DSCAM: variants seen among roughly 807,000 people sequenced by gnomAD.
DSCAM encodes the protein DS cell adhesion molecule, also known as cell adhesion molecule DSCAM.
In DSCAM, 47 loss-of-function variants were observed where a neutral mutation model predicts 217.7. The observed-to-expected ratio is 0.22, with a 90% CI of 0.17 to 0.28. The LOEUF (loss-of-function observed/expected upper bound fraction) is 0.28. Among genes scored for constraint, DSCAM ranks in the 10% least tolerant of loss-of-function variants. The pLI is 1.00. For synonymous variants in DSCAM, 1,056 were observed against 1,015.3 expected, an observed-to-expected ratio of 1.04 and a Z score of -0.76; for missense variants, 2,080 against 2,618.3, an observed-to-expected ratio of 0.79 and a Z score of 4.49.
intron 3 of DSCAM, among the ~76,000 whole-genome samples, chr21:40,637,617 A>C (rs1328099914): frequency 1.4e-3 from 84 of 59,776 alleles, no homozygotes; most frequent in African/African-American, 5.0e-3. Context: ...ATATATATAA[A>C]TATATACATA....
Position 40,093,811 on chromosome 21 carries a change from T to C in DSCAM, c.3760A>G (p.Asn1254Asp). The change falls in exon 21 of 33, where the codon AAT becomes GAT. Residue 1254 changes from asparagine (N) to aspartate (D), a missense_variant. Asn to Asp is a conservative substitution (Grantham distance 23, BLOSUM62 1). This residue lies in a region of DSCAM where 1,144 missense variants were observed against 1,421.1 expected (regional missense o/e 0.81). Transcript: ENST00000400454. ...FSYRIPNLSRNRQYSVWVVAV... is the reference protein window; with the variant it reads ...FSYRIPNLSRDRQYSVWVVAV... ...ACCACCCAGACGCTGTACTGACGATTCCTACTCAGGTTGGGAATTCTGTAG... is the reference window on the plus strand; with the variant it reads ...ACCACCCAGACGCTGTACTGACGATCCCTACTCAGGTTGGGAATTCTGTAG... 1 of 1,613,932 alleles carries C rather than the reference T, an allele frequency of 6.2e-7. No homozygotes were observed. The highest frequency in any genetic ancestry group is 8.5e-7 in the Non-Finnish European group (1 of 1,179,934).
At chr21:40,799,691 A>G (rs2091722159) in intron 1 of DSCAM, among the ~76,000 whole-genome samples, 1 of 152,226 alleles carries the variant, frequency 6.6e-6, no homozygotes, top group South Asian at 2.1e-4. Context: ...TATGAGAGAC[A>G]CATCATTCCA....
At chr21:40,788,537 T>C (rs1414484044) in intron 1 of DSCAM, among the ~76,000 whole-genome samples, 1 of 152,216 alleles carries the variant, frequency 6.6e-6, no homozygotes, top group African/African-American at 2.4e-5. Flanking sequence ...CTTTCTTCCA[T>C]CTGCTTTTTA....
chr21:40,431,932 G>C (rs964517851), intron 3 of DSCAM, among the ~76,000 whole-genome samples: 15 of 152,180 alleles, frequency 9.9e-5, no homozygotes, highest in Non-Finnish European at 2.2e-4. Flanking sequence ...AGGTGTGGTG[G>C]CTTATGCCTG....
At chr21:40,826,213 T>C (rs2091967787) in intron 1 of DSCAM, among the ~76,000 whole-genome samples, 1 of 152,194 alleles carries the variant, frequency 6.6e-6, no homozygotes, top group Admixed American at 6.5e-5. Flanking sequence ...GTGGTGATAT[T>C]TGGACAGAGA....
intron 3 of DSCAM, among the ~76,000 whole-genome samples, chr21:40,533,575 A>ACCCACCTGTCTG (rs1212389187): frequency 7.2e-6 from 1 of 138,914 alleles, no homozygotes; most frequent in East Asian, 2.4e-4. Context: ...CCATCCATCC[A>ACCCACCTGTCTG]TCCATCCAAC....
chr21:40,264,174 A>G (rs956031613), intron 11 of DSCAM, among the ~76,000 whole-genome samples: 1 of 152,188 alleles, frequency 6.6e-6, no homozygotes, highest in Non-Finnish European at 1.5e-5. Context: ...AAAGACAGAG[A>G]AGGAGGGAAT....
At chr21:40,014,181 A>G (rs1247618118) in intron 32 of DSCAM, among the ~76,000 whole-genome samples, 15 of 152,232 alleles carry the variant, frequency 9.9e-5, no homozygotes, top group Admixed American at 9.8e-4. Flanking sequence ...ACCTGAGGTC[A>G]GGAGTTCAAG....
intron 9 of DSCAM, among the ~76,000 whole-genome samples, chr21:40,298,084 C>CTTTTTT (rs59908038): frequency 0.064 from 8,492 of 132,420 alleles, 1,023 homozygotes; most frequent in African/African-American, 0.22. Context: ...TTAGCTTTTA[C>CTTTTTT]TTTTTTTTTT....
intron 3 of DSCAM, among the ~76,000 whole-genome samples, chr21:40,588,262 A>G (rs946355931): frequency 6.6e-6 from 1 of 152,182 alleles, no homozygotes; most frequent in Non-Finnish European, 1.5e-5. Flanking sequence ...AAAATCATGG[A>G]TTTTGGCATT....
At chr21:40,215,925 C>T in intron 11 of DSCAM, among the ~76,000 whole-genome samples, 1 of 144,826 alleles carries the variant, frequency 6.9e-6, no homozygotes, top group Non-Finnish European at 1.5e-5. Flanking sequence ...TGAAACTGCT[C>T]CTTTTCTTCT....
At chr21:40,529,019 T>C (rs2076422489) in intron 3 of DSCAM, among the ~76,000 whole-genome samples, 1 of 149,950 alleles carries the variant, frequency 6.7e-6, no homozygotes, top group Non-Finnish European at 1.5e-5. Context: ...TTCTCCTGCC[T>C]CAGCCTCCTG....
At chr21:40,053,144 C>T (rs986706198) in intron 29 of DSCAM, among the ~76,000 whole-genome samples, 1 of 152,196 alleles carries the variant, frequency 6.6e-6, no homozygotes, top group Non-Finnish European at 1.5e-5. Flanking sequence ...AGGCTCTGAA[C>T]AGAATGAACC....
intron 6 of DSCAM, among the ~76,000 whole-genome samples, chr21:40,342,648 ATTTTTTTTTT>A (rs1202355440): frequency 5.0e-5 from 4 of 80,318 alleles, no homozygotes; most frequent in African/African-American, 2.1e-4. Context: ...ATATATATAT[ATTTTTTTTTT>A]TTTTTTGAGA....
At chr21:40,128,961 A>T (rs1418619804) in intron 19 of DSCAM, among the ~76,000 whole-genome samples, 1 of 152,230 alleles carries the variant, frequency 6.6e-6, no homozygotes, top group African/African-American at 2.4e-5. Context: ...ACATACCTTA[A>T]TGTAAAAATA....
Position 40,195,890 on chromosome 21 carries a change from C to A in DSCAM, c.2357-6652G>T, listed in dbSNP as rs951326628. ...TTCAAACATACAGGAAGCCAATCAG[C>A]CATGTATCTACTGCCTGGATTCCAC... On this transcript the variant is annotated intron_variant, in intron 11 of 32. Coordinates refer to ENST00000400454, the MANE Select transcript of DSCAM (RefSeq NM_001389.5). 8.5e-5 allele frequency among the ~76,000 whole-genome samples: 13 copies of A among 152,216 alleles called. 1 individual carries two copies. The highest frequency in any genetic ancestry group is 5.2e-4 in the Admixed American group (8 of 15,286).
intron 10 of DSCAM, among the ~76,000 whole-genome samples, chr21:40,279,669 T>G (rs1279750726): frequency 6.6e-6 from 1 of 152,220 alleles, no homozygotes; most frequent in Non-Finnish European, 1.5e-5. Context: ...TGAAGACACA[T>G]GCACACATAT....
At chr21:40,263,284 A>G (rs966565049) in intron 11 of DSCAM, among the ~76,000 whole-genome samples, 4 of 152,218 alleles carry the variant, frequency 2.6e-5, no homozygotes, top group Admixed American at 1.3e-4. Flanking sequence ...TTTGAAATAG[A>G]CAAAATCATG....
chr21:40,454,831 G>T (rs1298503005), intron 3 of DSCAM, among the ~76,000 whole-genome samples: 1 of 152,214 alleles, frequency 6.6e-6, no homozygotes, highest in Non-Finnish European at 1.5e-5. Context: ...CCTTTCGAGT[G>T]TGTGGCACCA....
Sources: gnomAD v4.1 joint callset for allele counts (sites outside exome capture counted in the v4.1 genomes callset) on GRCh38, gnomAD v4.1.1 for gene constraint, gnomAD v4.1.1 regional missense constraint, MANE v1.5 for transcripts, NCBI Gene and HGNC (gene_info 2026-07-23, HGNC 2026-07-21) for gene names.